MBNL1: variants seen among roughly 807,000 people sequenced by gnomAD.
MBNL1 encodes muscleblind like splicing regulator 1.
A neutral mutation model predicts 42.2 loss-of-function variants in MBNL1; 8 were observed. That is an observed-to-expected ratio of 0.19 (90% CI 0.11 to 0.34). The LOEUF is 0.34. Among genes scored for constraint, MBNL1 ranks in the 10% least tolerant of loss-of-function variants. The pLI, the probability that MBNL1 is intolerant of heterozygous loss-of-function variation, is 1.00. For synonymous variants in MBNL1, 169 were observed against 173.9 expected, an observed-to-expected ratio of 0.97 and a Z score of 0.22; for missense variants, 309 against 495.3, an observed-to-expected ratio of 0.62 and a Z score of 3.57.
chr3:152,373,784 C>T (rs1015938711), intron 2 of MBNL1, among the ~76,000 whole-genome samples: 6 of 152,136 alleles, frequency 3.9e-5, no homozygotes, highest in African/African-American at 1.4e-4. Flanking sequence ...TCATATTTTA[C>T]TTTTAAGTGA....
intron 1 of MBNL1, among the ~76,000 whole-genome samples, chr3:152,289,315 CAT>C (rs1244444777): frequency 6.6e-6 from 1 of 151,872 alleles, no homozygotes; most frequent in Non-Finnish European, 1.5e-5. Flanking sequence ...TTTCTATTGA[CAT>C]AGAAAGATCA....
intron 2 of MBNL1, among the ~76,000 whole-genome samples, chr3:152,410,389 A>G (rs1291261614): frequency 6.6e-6 from 1 of 152,210 alleles, no homozygotes; most frequent in Admixed American, 6.5e-5. Context: ...TAAGACTACA[A>G]GGGGGAAATT....
chr3:152,320,669 T>C (rs1283851706), intron 2 of MBNL1, among the ~76,000 whole-genome samples: 1 of 150,862 alleles, frequency 6.6e-6, no homozygotes, highest in African/African-American at 2.4e-5. Context: ...AGAAACATTA[T>C]CAGTTTTTTC....
At chr3:152,333,137 G>C (rs1458380976) in intron 2 of MBNL1, among the ~76,000 whole-genome samples, 5 of 152,264 alleles carry the variant, frequency 3.3e-5, no homozygotes, top group East Asian at 3.9e-4. Context: ...GGAATGAAAT[G>C]TAAGTTTTAT....
chr3:152,312,816 G>A (rs2067645167), intron 2 of MBNL1, among the ~76,000 whole-genome samples: 1 of 152,086 alleles, frequency 6.6e-6, no homozygotes, highest in South Asian at 2.1e-4. Context: ...TATTTTCTGA[G>A]TGTCTAGATT....
At chr3:152,269,560 G>T (rs1355004265) in intron 1 of MBNL1, 11 of 454,422 alleles carry the variant, frequency 2.4e-5, no homozygotes, top group Non-Finnish European at 4.0e-5. Context: ...CCAAATATGT[G>T]CACGCAAAGG....
intron 2 of MBNL1, among the ~76,000 whole-genome samples, chr3:152,407,235 T>A (rs1386294220): frequency 1.4e-5 from 2 of 140,518 alleles, no homozygotes; most frequent in African/African-American, 5.6e-5. Flanking sequence ...TTTTTTTTTT[T>A]AGTTTGTTTC....
intron 2 of MBNL1, among the ~76,000 whole-genome samples, chr3:152,391,188 C>A (rs186640996): frequency 4.9e-4 from 75 of 152,306 alleles, no homozygotes; most frequent in African/African-American, 1.7e-3. Flanking sequence ...CTGAATACAT[C>A]TTTCTGCTTT....
intron 3 of MBNL1, among the ~76,000 whole-genome samples, chr3:152,419,988 A>G (rs948741721): frequency 6.6e-6 from 1 of 152,184 alleles, no homozygotes; most frequent in African/African-American, 2.4e-5. Flanking sequence ...CCAAGCTGCC[A>G]GGAAGTTTGA....
chr3:152,453,260 C>G (rs1727184100), intron 6 of MBNL1, among the ~76,000 whole-genome samples: 1 of 152,088 alleles, frequency 6.6e-6, no homozygotes, highest in African/African-American at 2.4e-5. Flanking sequence ...AATTCTTTTT[C>G]TCTCTTCTAC....
intron 2 of MBNL1, among the ~76,000 whole-genome samples, chr3:152,333,199 T>C (rs2086579671): frequency 6.6e-6 from 1 of 152,202 alleles, no homozygotes; most frequent in African/African-American, 2.4e-5. Flanking sequence ...GTGATGGTAA[T>C]AATGTTACTG....
At chr3:152,317,381 G>A (rs543768943) in intron 2 of MBNL1, among the ~76,000 whole-genome samples, 18 of 152,052 alleles carry the variant, frequency 1.2e-4, no homozygotes, top group Admixed American at 6.5e-5. Context: ...GTGCAGTGGC[G>A]CAATCTTAGC....
intron 2 of MBNL1, among the ~76,000 whole-genome samples, chr3:152,301,157 T>C (rs1484784661): frequency 6.6e-6 from 1 of 152,194 alleles, no homozygotes. Context: ...ACTAAAATAT[T>C]TACTTTAGTG....
chr3:152,322,861 C>G (rs948125544), intron 2 of MBNL1, among the ~76,000 whole-genome samples: 1 of 152,028 alleles, frequency 6.6e-6, no homozygotes, highest in Non-Finnish European at 1.5e-5. Flanking sequence ...GCTCAAGGCA[C>G]ATTTTGGATT....
intron 8 of MBNL1, chr3:152,458,233 C>T: frequency 1.9e-6 from 3 of 1,580,862 alleles, no homozygotes; most frequent in South Asian, 2.2e-5. Flanking sequence ...CATTTTCGTG[C>T]CATTTGCCAA....
intron 2 of MBNL1, among the ~76,000 whole-genome samples, chr3:152,374,807 G>A (rs1269842036): frequency 6.6e-6 from 1 of 152,108 alleles, no homozygotes; most frequent in African/African-American, 2.4e-5. Flanking sequence ...GCCCACTGGC[G>A]GCAAATCCTT....
intron 4 of MBNL1, among the ~76,000 whole-genome samples, chr3:152,439,242 TATA>T (rs2099116420): frequency 6.6e-6 from 1 of 152,044 alleles, no homozygotes; most frequent in African/African-American, 2.4e-5. Flanking sequence ...CAGAAAAAAA[TATA>T]ATACCCATTG....
intron 1 of MBNL1, among the ~76,000 whole-genome samples, chr3:152,275,253 A>G (rs1202683191): frequency 6.6e-6 from 1 of 152,172 alleles, no homozygotes; most frequent in Admixed American, 6.5e-5. Context: ...TAAGAAATGG[A>G]TGAGAAAAGC....
chr3:152,393,931 C>A (rs1259837073), intron 2 of MBNL1, among the ~76,000 whole-genome samples: 2 of 152,054 alleles, frequency 1.3e-5, no homozygotes, highest in South Asian at 2.1e-4. Flanking sequence ...ATAATTTTTT[C>A]TGAGAACTAT....
Sources: allele counts gnomAD v4.1 joint callset (sites outside exome capture counted in the v4.1 genomes callset), GRCh38; gene constraint gnomAD v4.1.1; transcripts MANE v1.5; gene names NCBI Gene and HGNC (gene_info 2026-07-23, HGNC 2026-07-21).